Variants in NDRG2 observed in about 807,000 individuals in gnomAD.
NDRG2 encodes protein NDRG2.
A neutral mutation model predicts 58.2 loss-of-function variants in NDRG2; 34 were observed. The observed-to-expected ratio is 0.58, with a 90% CI of 0.44 to 0.78. The LOEUF is 0.78. NDRG2 is among the 30% of genes least tolerant of loss of function. The probability of loss-of-function intolerance (pLI) is 0.00; values close to 1 mark genes in which losing one functional copy is unlikely to be tolerated. For missense variants in NDRG2, 434 were observed against 471.2 expected (o/e 0.92, Z 0.73); for synonymous variants, 187 against 175.9 (o/e 1.06, Z -0.50).
Position 21,052,533 on chromosome 14 carries a change from C to T in NDRG2, c.24+18295G>A, listed in dbSNP as rs531404734. The stretch of plus-strand genomic sequence containing the variant: ...GAAACAGAAGCAAAGCTGAAGAGAG[C>T]AAAACATGTGCTGGAGACAAAAGGA... On this transcript the variant is annotated intron_variant, in intron 1 of 14. Coordinates refer to the NDRG2 transcript ENST00000403829. Among the ~76,000 whole-genome samples the T allele has an allele frequency of 3.9e-5, 6 of 151,940 alleles. No individual in the cohort carries two copies. In the South Asian group the frequency reaches 1.2e-3, roughly 32 times the overall value.
At chr14:21,046,038 A>G in intron 1 of NDRG2, among the ~76,000 whole-genome samples, 1 of 152,366 alleles carries the variant, frequency 6.6e-6, no homozygotes, top group East Asian at 1.9e-4. Context: ...TCATTTTCAA[A>G]AAAGTCTTTC....
At chr14:21,057,480 T>A (rs1371646398) in intron 1 of NDRG2, among the ~76,000 whole-genome samples, 1 of 151,766 alleles carries the variant, frequency 6.6e-6, no homozygotes, top group African/African-American at 2.4e-5. Flanking sequence ...TTTCTCACAG[T>A]CTCAGAAAAG....
chr14:21,023,584 G>GA (rs1882064974), intron 1 of NDRG2: 4 of 385,000 alleles, frequency 1.0e-5, no homozygotes, highest in South Asian at 5.7e-5. Context: ...CACACCTCCA[G>GA]ACCCCTCCCT....
chr14:21,054,782 A>G (rs1885604636), intron 1 of NDRG2, among the ~76,000 whole-genome samples: 1 of 152,222 alleles, frequency 6.6e-6, no homozygotes, highest in African/African-American at 2.4e-5. Context: ...AACACACAAT[A>G]CAGTTTATAT....
chr14:21,057,958 G>A, intron 1 of NDRG2: 1 of 1,614,106 alleles, frequency 6.2e-7, no homozygotes, highest in Non-Finnish European at 8.5e-7. Flanking sequence ...GGGTGGCAGA[G>A]GTCCTAGTCA....
Position 21,057,618 on chromosome 14 carries a change from C to CATATATATATATATATATATAT in NDRG2, c.24+13209_24+13210insATATATATATATATATATATAT, listed in dbSNP as rs57420807. Among the ~76,000 whole-genome samples, 135 of 122,888 alleles carry CATATATATATATATATATATAT rather than the reference C, an allele frequency of 1.1e-3. 5 individuals carry two copies. The highest frequency in any genetic ancestry group is 3.3e-3 in the African/African-American group (100 of 29,864). The allele number at this position is 122,888 out of a possible 152,430, so 80.6% of individuals were successfully genotyped here. On this transcript the variant is annotated intron_variant, in intron 1 of 14. Transcript: ENST00000403829. The stretch of plus-strand genomic sequence containing the variant: ...TAACTTTCCTGAGCCTCATTTTATT[C>CATATATATATATATATATATAT]ATATATATATATATATATGTGAGAA...
At position 21,070,668 on chromosome 14, in the gene NDRG2, C is replaced by CCTCCCCG. The variant is rs372003858; in HGVS notation, c.24+153_24+159dup. ...TTGGGTCTCTCCCCTAATCCACACA[C>CCTCCCCG]CTCCCCGCTCCCCGCCCTCCTCTGT... is the stretch of plus-strand genomic sequence containing the variant. On this transcript the variant is annotated intron_variant, in intron 1 of 14. Coordinates refer to the NDRG2 transcript ENST00000403829. The surrounding 1 kb of genome is among the most constrained non-coding windows in gnomAD (Gnocchi z 4.7). 6.6e-6 allele frequency among the ~76,000 whole-genome samples: 1 copy of CCTCCCCG among 152,256 alleles called. No homozygotes were observed. The highest frequency in any genetic ancestry group is 2.4e-5 in the African/African-American group (1 of 41,558).
chr14:21,043,228 T>TG (rs1884989177), intron 1 of NDRG2: 1 of 1,614,062 alleles, frequency 6.2e-7, no homozygotes, highest in South Asian at 1.1e-5. Context: ...TTCTCCAGTG[T>TG]GGCCGCCACC....
intron 1 of NDRG2, chr14:21,058,402 T>C: frequency 7.2e-7 from 1 of 1,381,712 alleles, no homozygotes; most frequent in Non-Finnish European, 1.0e-6. Context: ...GACTGTATGC[T>C]GCTGCTTTTC....
At chr14:21,018,318 C>A in intron 13 of NDRG2, 79 bp from the exon 14 acceptor site, 1 of 1,606,684 alleles carries the variant, frequency 6.2e-7, no homozygotes. Flanking sequence ...GGTCTCTCTT[C>A]CCTAGCTTCT....
chr14:21,041,744 T>C (rs1884905581), intron 1 of NDRG2, among the ~76,000 whole-genome samples: 1 of 152,240 alleles, frequency 6.6e-6, no homozygotes, highest in Admixed American at 6.5e-5. Flanking sequence ...GTTGGCTGCC[T>C]TCTCCAGCTA....
intron 1 of NDRG2, among the ~76,000 whole-genome samples, chr14:21,036,602 T>A (rs1884644397): frequency 6.6e-6 from 1 of 152,136 alleles, no homozygotes; most frequent in South Asian, 2.1e-4. Flanking sequence ...CTTCCCATGA[T>A]CTTGCACCTG....
intron 1 of NDRG2, among the ~76,000 whole-genome samples, chr14:21,038,247 C>G (rs1884741776): frequency 6.6e-6 from 1 of 152,146 alleles, no homozygotes; most frequent in African/African-American, 2.4e-5. Context: ...GACGGAATGC[C>G]TTCTAAAAGT....
intron 1 of NDRG2, among the ~76,000 whole-genome samples, chr14:21,053,325 T>C (rs1259230505): frequency 6.6e-6 from 1 of 151,756 alleles, no homozygotes; most frequent in African/African-American, 2.4e-5. Context: ...CTACAAAAAA[T>C]AGAAAAATTA....
At chr14:21,019,366 G>A (rs1002302192) in intron 10 of NDRG2, among the ~76,000 whole-genome samples, 8 of 152,054 alleles carry the variant, frequency 5.3e-5, no homozygotes, top group Non-Finnish European at 1.0e-4. Flanking sequence ...CTGGTCAGAG[G>A]GCAACAAAAG....
In NDRG2 at chr14:21,070,204, G is replaced by A. The variant is rs2987852; in HGVS notation, c.24+624C>T. 9.6e-5 allele frequency: 33 copies of A among 345,504 alleles called. No homozygotes were observed. The highest frequency in any genetic ancestry group is 7.0e-4 in the African/African-American group (32 of 45,906). 21.4% of individuals were successfully genotyped at this position (345,504 alleles called of 1,614,324 possible). On this transcript the variant is annotated intron_variant, in intron 1 of 14. Coordinates refer to the NDRG2 transcript ENST00000403829. This position sits in a 1 kb window ranked among gnomAD's most constrained non-coding sequence, Gnocchi z 4.7. The stretch of plus-strand genomic sequence containing the variant: ...GCGGGGGCGGGCGCTGAAGGGCGGG[G>A]CGGGGAGGGGCGGCCGTCTCGGCCC...
At chr14:21,049,109 G>A (rs572965031) in intron 1 of NDRG2, among the ~76,000 whole-genome samples, 1 of 152,294 alleles carries the variant, frequency 6.6e-6, no homozygotes, top group African/African-American at 2.4e-5. Flanking sequence ...TTTTGAGGGT[G>A]CCCTCTGTAT....
intron 1 of NDRG2, among the ~76,000 whole-genome samples, chr14:21,061,213 A>C (rs1479186628): frequency 2.6e-5 from 4 of 152,204 alleles, no homozygotes; most frequent in Non-Finnish European, 5.9e-5. Flanking sequence ...TATTTCTGGC[A>C]CAGCATTAGG....
Position 21,019,137 on chromosome 14 carries a change from C to A in NDRG2, c.740G>T (p.Arg247Leu), listed in dbSNP as rs747046310. The stretch of plus-strand genomic sequence containing the variant: ...TTACCTGAGGGTGATATCACCTCCA[C>A]GCTCAAAGTTCAGGTCTCGGCGGCT... Reference protein sequence around the residue: ...YNNRRDLNFERGGDITLRCPV... With the variant: ...YNNRRDLNFELGGDITLRCPV... Residue 247 changes from arginine (R) to leucine (L), a missense_variant, in exon 11 of 16, where the codon CGT (arginine) becomes CTT (leucine). Physicochemically the swap from Arg to Leu is moderately radical, Grantham distance 102. Coordinates refer to ENST00000556147, the MANE Select transcript of NDRG2 (RefSeq NM_001320329.2). The A allele has an allele frequency of 1.3e-5, 21 of 1,611,012 alleles. No individual in the cohort carries two copies. Among genetic ancestry groups the A allele is most frequent in the Non-Finnish European group, 1.7e-5 (20 of 1,178,946 alleles).
Sources: allele counts gnomAD v4.1 joint callset (sites outside exome capture counted in the v4.1 genomes callset), GRCh38; gene constraint gnomAD v4.1.1; non-coding constraint Gnocchi (gnomAD v3.1); transcripts MANE v1.5; gene names NCBI Gene and HGNC (gene_info 2026-07-23, HGNC 2026-07-21).